The following GPR39 variants were observed in gnomAD, a reference collection of about 807,000 sequenced individuals.
GPR39 encodes the protein zinc sensing receptor.
GPR39 carries 23 observed loss-of-function variants against 18.4 expected under a neutral mutation model. The observed-to-expected ratio is 1.25, with a 90% CI of 0.90 to 1.77. GPR39 has a LOEUF of 1.77. Among genes scored for constraint, GPR39 ranks in the 40% most tolerant of loss-of-function variants. GPR39 has a pLI of 0.00. For synonymous variants in GPR39, 280 were observed against 257.9 expected (o/e 1.09, Z -0.82); for missense variants, 647 against 602.4 (o/e 1.07, Z -0.78).
chr2:132,644,946 A>C (rs1424262263), intron 1 of GPR39, 155 bp from the exon 2 acceptor site: 8 of 781,504 alleles, frequency 1.0e-5, no homozygotes, highest in East Asian at 2.7e-5. Flanking sequence ...GTGGCAAAAG[A>C]AGCTGTCAAG....
intron 1 of GPR39, among the ~76,000 whole-genome samples, chr2:132,574,668 G>GT (rs1386806916): frequency 6.6e-6 from 1 of 152,186 alleles, no homozygotes; most frequent in African/African-American, 2.4e-5. Flanking sequence ...CAAGGAGGTG[G>GT]AGGTTGCAGC....
Position 132,645,299 on chromosome 2 carries a change from G to GGC in GPR39, c.1057_1058dup (p.Val354GlyfsTer58). 6.2e-7 allele frequency: 1 copy of GGC among 1,614,140 alleles called. No homozygotes were observed. Among genetic ancestry groups the GGC allele is most frequent in the Non-Finnish European group, 8.5e-7 (1 of 1,180,014 alleles). On this transcript the variant is annotated frameshift_variant, in exon 2 of 2. Coordinates refer to ENST00000329321, the MANE Select transcript of GPR39 (RefSeq NM_001508.3). LOFTEE classifies it low-confidence loss of function (END_TRUNC). Reference sequence around the variant, plus strand: ...TACACGGTGTCCTCGCAGCAGTTTCGGCGGGTGTTCGTGCAGGTGCTGTGC... The same window carrying GGC: ...TACACGGTGTCCTCGCAGCAGTTTCGGCGCGGGTGTTCGTGCAGGTGCTGTGC...
intron 1 of GPR39, among the ~76,000 whole-genome samples, chr2:132,577,028 A>C (rs1384370448): frequency 6.6e-6 from 1 of 151,662 alleles, no homozygotes; most frequent in East Asian, 1.9e-4. Context: ...TCTCAAAATG[A>C]GGTAGACAAA....
intron 1 of GPR39, among the ~76,000 whole-genome samples, chr2:132,456,974 G>A (rs1009583402): frequency 3.3e-5 from 5 of 152,104 alleles, no homozygotes; most frequent in East Asian, 1.9e-4. Flanking sequence ...GGCTCTCCTC[G>A]AGGAGTATCT....
intron 1 of GPR39, among the ~76,000 whole-genome samples, chr2:132,485,116 G>A (rs2104791630): frequency 6.6e-6 from 1 of 152,334 alleles, no homozygotes; most frequent in Middle Eastern, 3.4e-3. Context: ...GAAAGCAAAT[G>A]TTGAAATTAA....
chr2:132,552,625 G>T (rs1680063481), intron 1 of GPR39, among the ~76,000 whole-genome samples: 1 of 152,026 alleles, frequency 6.6e-6, no homozygotes, highest in South Asian at 2.1e-4. Flanking sequence ...ACAGGAGGAT[G>T]TGTGTATGTT....
chr2:132,459,798 C>A (rs1051121499), intron 1 of GPR39, among the ~76,000 whole-genome samples: 3 of 152,132 alleles, frequency 2.0e-5, no homozygotes, highest in African/African-American at 7.2e-5. Context: ...GGGTAAGTGC[C>A]CTCTTGAACT....
chr2:132,530,666 T>C (rs1224943658), intron 1 of GPR39, among the ~76,000 whole-genome samples: 1 of 152,170 alleles, frequency 6.6e-6, no homozygotes, highest in Non-Finnish European at 1.5e-5. Flanking sequence ...TGGCAGAAAC[T>C]CTACAAGCCA....
intron 1 of GPR39, among the ~76,000 whole-genome samples, chr2:132,566,756 A>G (rs1323347758): frequency 6.6e-6 from 1 of 152,228 alleles, no homozygotes; most frequent in Non-Finnish European, 1.5e-5. Flanking sequence ...GGCTTCACGC[A>G]CTGTGGTACA....
intron 1 of GPR39, among the ~76,000 whole-genome samples, chr2:132,556,390 C>T (rs891858384): frequency 6.6e-6 from 1 of 152,168 alleles, no homozygotes; most frequent in African/African-American, 2.4e-5. Flanking sequence ...CAATAGTTAA[C>T]TAGCTCACAA....
At chr2:132,450,797 G>A (rs1230834544) in intron 1 of GPR39, among the ~76,000 whole-genome samples, 1 of 152,228 alleles carries the variant, frequency 6.6e-6, no homozygotes, top group South Asian at 2.1e-4. Context: ...CTTTGAATCG[G>A]TGTCTCCAAT....
chr2:132,518,312 T>C (rs1679368399), intron 1 of GPR39, among the ~76,000 whole-genome samples: 1 of 152,268 alleles, frequency 6.6e-6, no homozygotes, highest in Non-Finnish European at 1.5e-5. Flanking sequence ...GCTGGATTTA[T>C]GTCCCTCTCC....
chr2:132,521,426 G>A (rs1679424854), intron 1 of GPR39, among the ~76,000 whole-genome samples: 1 of 152,130 alleles, frequency 6.6e-6, no homozygotes, highest in South Asian at 2.1e-4. Context: ...TTGTTGGCTT[G>A]TGGTGTCTGA....
intron 1 of GPR39, among the ~76,000 whole-genome samples, chr2:132,447,590 C>T (rs1680559459): frequency 6.6e-6 from 1 of 152,186 alleles, no homozygotes; most frequent in Non-Finnish European, 1.5e-5. Context: ...TATTGGGTGC[C>T]TGCTCAGACT....
chr2:132,547,403 GC>G (rs1679969751), intron 1 of GPR39, among the ~76,000 whole-genome samples: 1 of 152,092 alleles, frequency 6.6e-6, no homozygotes, highest in South Asian at 2.1e-4. Flanking sequence ...CAATTTCCAG[GC>G]CCGGCAAAGC....
intron 1 of GPR39, among the ~76,000 whole-genome samples, chr2:132,442,729 T>C (rs1444528202): frequency 6.6e-6 from 1 of 152,238 alleles, no homozygotes; most frequent in Non-Finnish European, 1.5e-5. Context: ...TGAACTGTGG[T>C]TTCACAGCAG....
intron 1 of GPR39, among the ~76,000 whole-genome samples, chr2:132,492,439 A>G (rs1342065255): frequency 6.9e-6 from 1 of 144,098 alleles, no homozygotes; most frequent in African/African-American, 2.5e-5. Context: ...CACCATATAT[A>G]TACACCATAT....
At chr2:132,584,433 T>C (rs1680686052) in intron 1 of GPR39, among the ~76,000 whole-genome samples, 1 of 152,130 alleles carries the variant, frequency 6.6e-6, no homozygotes, top group South Asian at 2.1e-4. Flanking sequence ...AAGAGGAAGC[T>C]TCTGAAGCCA....
intron 1 of GPR39, among the ~76,000 whole-genome samples, chr2:132,455,559 T>C (rs1680706746): frequency 6.6e-6 from 1 of 152,224 alleles, no homozygotes; most frequent in South Asian, 2.1e-4. Flanking sequence ...TCTAGTTCTT[T>C]TAATTGTGAT....
Sources: gnomAD v4.1 joint callset for allele counts (sites outside exome capture counted in the v4.1 genomes callset) on GRCh38, gnomAD v4.1.1 for gene constraint, MANE v1.5 for transcripts, NCBI Gene and HGNC (gene_info 2026-07-23, HGNC 2026-07-21) for gene names.